The following WDR19 variants were observed in gnomAD, a reference collection of about 807,000 sequenced individuals.
WDR19 encodes the protein WD repeat-containing protein 19.
WDR19 carries 121 observed loss-of-function variants against 180.0 expected under a neutral mutation model. The ratio of observed to expected loss-of-function variants is 0.67; its 90% CI spans 0.58 to 0.78. WDR19 has a LOEUF of 0.78. Ranked by LOEUF, WDR19 falls within the 30% of genes least tolerant of loss-of-function variation. The pLI, the probability that WDR19 is intolerant of heterozygous loss-of-function variation, is 0.00. For missense variants in WDR19, 1,450 were observed against 1,640.7 expected, an observed-to-expected ratio of 0.88 and a Z score of 2.01; for synonymous variants, 497 against 540.7, an observed-to-expected ratio of 0.92 and a Z score of 1.12.
intron 2 of WDR19, 96 bp downstream of exon 2, chr4:39,185,913 T>TAAATGGAG: frequency 2.8e-6 from 3 of 1,088,740 alleles, no homozygotes; most frequent in African/African-American, 1.6e-5. Flanking sequence ...TTTTTTTTTT[T>TAAATGGAG]TAAATGGAGT....
chr4:39,262,993 A>T (rs1044868342), intron 28 of WDR19, among the ~76,000 whole-genome samples: 2 of 151,930 alleles, frequency 1.3e-5, no homozygotes, highest in African/African-American at 4.8e-5. Context: ...GTGCTCTTTC[A>T]CCTGGTGATT....
intron 19 of WDR19, 55 bp downstream of exon 19, chr4:39,232,327 G>A: frequency 1.4e-6 from 2 of 1,448,730 alleles, no homozygotes; most frequent in East Asian, 2.3e-5. Flanking sequence ...TGGGGAAATG[G>A]GGGAAAAAAA....
At chr4:39,195,394 A>C (rs916063052) in intron 5 of WDR19, among the ~76,000 whole-genome samples, 11 of 149,940 alleles carry the variant, frequency 7.3e-5, no homozygotes, top group Admixed American at 3.3e-4. Flanking sequence ...AAACAAACAA[A>C]CAAAAAAAAA....
In WDR19 at chr4:39,232,158, G is replaced by A. The variant is rs754885398; in HGVS notation, c.2143-4G>A. The A allele has an allele frequency of 3.1e-6, 5 of 1,603,020 alleles. No homozygotes were observed. The highest frequency in any genetic ancestry group is 2.2e-5 in the South Asian group (2 of 89,326). On this transcript the variant is annotated splice_region_variant and splice_polypyrimidine_tract_variant and intron_variant, in intron 18 of 36. Coordinates refer to ENST00000399820, the MANE Select transcript of WDR19 (RefSeq NM_025132.4). ...TTTCTCATCAGAATTGCTTTTATTTGTAGGGAATAGAGGACTACAATCTTT... is the reference window on the plus strand; with the variant it reads ...TTTCTCATCAGAATTGCTTTTATTTATAGGGAATAGAGGACTACAATCTTT...
At chr4:39,270,943 G>A (rs1056092315) in intron 31 of WDR19, among the ~76,000 whole-genome samples, 42 of 129,754 alleles carry the variant, frequency 3.2e-4, no homozygotes, top group African/African-American at 1.1e-3. Flanking sequence ...CACCCAGGTT[G>A]GAGTGCAGTG....
intron 28 of WDR19, among the ~76,000 whole-genome samples, chr4:39,260,776 C>A (rs1734209019): frequency 1.3e-5 from 2 of 152,212 alleles, no homozygotes; most frequent in Admixed American, 1.3e-4. Flanking sequence ...TCCTGACTTG[C>A]AGACAGCAGC....
At chr4:39,240,177 T>TAAAAAAA (rs55876795) in intron 20 of WDR19, 100 bp from the exon 21 acceptor site, 8 of 146,876 alleles carry the variant, frequency 5.4e-5, no homozygotes, top group African/African-American at 6.1e-5. Flanking sequence ...ACCCTGTCTC[T>TAAAAAAA]AAAAAAAAAA....
chr4:39,223,443 G>A (rs1729906428), intron 14 of WDR19, among the ~76,000 whole-genome samples: 1 of 152,184 alleles, frequency 6.6e-6, no homozygotes, highest in African/African-American at 2.4e-5. Context: ...AGGTTCTTCT[G>A]CCTCAGCCTC....
At chr4:39,203,247 G>A (rs192003531) in intron 6 of WDR19, among the ~76,000 whole-genome samples, 136 of 151,306 alleles carry the variant, frequency 9.0e-4, no homozygotes, top group African/African-American at 3.2e-3. Context: ...TTACAGATAT[G>A]AGCCACCGCA....
At chr4:39,262,132 C>G (rs146222843) in intron 28 of WDR19, among the ~76,000 whole-genome samples, 2 of 152,326 alleles carry the variant, frequency 1.3e-5, no homozygotes, top group South Asian at 2.1e-4. Flanking sequence ...GATGATATGA[C>G]TAACCTACAG....
chr4:39,203,468 A>G (rs1331021839), intron 6 of WDR19, among the ~76,000 whole-genome samples, 174 bp from the exon 7 acceptor site: 1 of 152,054 alleles, frequency 6.6e-6, no homozygotes, highest in Non-Finnish European at 1.5e-5. Flanking sequence ...TTATCTATTT[A>G]ATAAGATATA....
intron 14 of WDR19, 145 bp downstream of exon 14, chr4:39,218,250 T>C (rs1729284888): frequency 9.6e-7 from 1 of 1,041,196 alleles, no homozygotes; most frequent in Non-Finnish European, 1.4e-6. Flanking sequence ...TTATATACAT[T>C]CATGTGTCTC....
chr4:39,192,448 T>C (rs1726265211), intron 4 of WDR19, among the ~76,000 whole-genome samples: 1 of 152,108 alleles, frequency 6.6e-6, no homozygotes. Context: ...GTGTCTTAAA[T>C]TGTAGCACAG....
chr4:39,272,205 G>C (rs955776678), intron 31 of WDR19, among the ~76,000 whole-genome samples: 5 of 152,292 alleles, frequency 3.3e-5, no homozygotes, highest in East Asian at 1.9e-4. Flanking sequence ...AGGAGTGCAG[G>C]GGGCACAGAA....
intron 5 of WDR19, among the ~76,000 whole-genome samples, chr4:39,197,422 T>G (rs1445860825): frequency 2.9e-5 from 1 of 34,680 alleles, no homozygotes; most frequent in East Asian, 7.7e-4. Flanking sequence ...CAAGACTCTA[T>G]CTCAAAAAAA....
chr4:39,195,387 C>CAAAAAAAAAAAAAAAAAAAAAAAAAAA, intron 5 of WDR19, among the ~76,000 whole-genome samples: 1 of 141,872 alleles, frequency 7.0e-6, no homozygotes, highest in Non-Finnish European at 1.5e-5. Flanking sequence ...AACAAAAAAA[C>CAAAAAAAAAAAAAAAAAAAAAAAAAAA]AAACAAACAA....
Position 39,228,667 on chromosome 4 carries a change from G to A in WDR19, c.1959G>A (p.Leu653=). 3 of 1,599,894 alleles carry A rather than the reference G, an allele frequency of 1.9e-6. No individual in the cohort carries two copies. Among genetic ancestry groups the A allele is most frequent in the Non-Finnish European group, 2.6e-6 (3 of 1,173,142 alleles). ...DTGPDELRPM[L]AQNLMLKRFS... is the part of the protein sequence containing the mutation. ...GGCCTGACGAACTGAGACCAATGCT[G>A]GCACAGAATTTAATGCTAAAGAGGT... Residue 653 remains leucine (L), a synonymous_variant, in exon 17 of 37, where the codon CTG becomes CTA. Transcript: ENST00000399820.
At chr4:39,261,591 G>A (rs1319130449) in intron 28 of WDR19, among the ~76,000 whole-genome samples, 3 of 152,184 alleles carry the variant, frequency 2.0e-5, no homozygotes, top group Admixed American at 1.3e-4. Context: ...TGGGCAAATT[G>A]GGTCAAATTC....
In WDR19 at chr4:39,199,599, A is replaced by G. The variant is rs376379758; in HGVS notation, c.522+6A>G. On this transcript the variant is annotated splice_donor_region_variant and intron_variant, in intron 6 of 36. Coordinates refer to ENST00000399820, the MANE Select transcript of WDR19 (RefSeq NM_025132.4). ...AAGGTGACACGATAAGACAGGTAAT[A>G]CAGTAACGTCTCTTTGGTCTGATAT... 5 of 1,598,518 alleles carry G rather than the reference A, an allele frequency of 3.1e-6. No individual in the cohort carries two copies. Among genetic ancestry groups the G allele is most frequent in the Non-Finnish European group, 4.3e-6 (5 of 1,166,598 alleles).
Sources: gnomAD v4.1 joint callset for allele counts (sites outside exome capture counted in the v4.1 genomes callset) on GRCh38, gnomAD v4.1.1 for gene constraint, MANE v1.5 for transcripts, NCBI Gene and HGNC (gene_info 2026-07-23, HGNC 2026-07-21) for gene names.